Variants in PCDH15 observed in about 807,000 individuals in gnomAD.
PCDH15 encodes protocadherin related 15.
PCDH15 carries 129 observed loss-of-function variants against 178.5 expected under a neutral mutation model. That is an observed-to-expected ratio of 0.72 (90% confidence interval 0.63 to 0.84). PCDH15 has a LOEUF of 0.84. Among genes scored for constraint, PCDH15 ranks in the 40% least tolerant of loss-of-function variants. PCDH15 has a pLI of 0.00. For synonymous variants in PCDH15, 800 were observed against 732.0 expected, an observed-to-expected ratio of 1.09 and a Z score of -1.50; for missense variants, 2,230 against 2,099.9, an observed-to-expected ratio of 1.06 and a Z score of -1.21.
intron 20 of PCDH15, among the ~76,000 whole-genome samples, chr10:54,000,315 T>G (rs1223658762): frequency 6.6e-6 from 1 of 151,904 alleles, no homozygotes; most frequent in Non-Finnish European, 1.5e-5. Flanking sequence ...CAGGAAAACA[T>G]GAAGTCACCA....
At chr10:53,931,505 A>G (rs2085060307) in intron 25 of PCDH15, among the ~76,000 whole-genome samples, 1 of 152,202 alleles carries the variant, frequency 6.6e-6, no homozygotes, top group Admixed American at 6.5e-5. Context: ...AAACAGATAC[A>G]AACTTCTGTC....
In PCDH15 at chr10:53,888,300, A is replaced by ATATATGTATATATACG. The variant is rs1554845155; in HGVS notation, c.3501+14942_3501+14943insCGTATATATACATATA. On this transcript the variant is annotated intron_variant, in intron 26 of 37. Transcript: ENST00000644397. ...TCCAACACTATATATACATATATAT[A>ATATATGTATATATACG]TATATATATGTATATATGTACGTAT... is the stretch of plus-strand genomic sequence containing the variant. Among the ~76,000 whole-genome samples, 186 of 82,014 alleles carry ATATATGTATATATACG rather than the reference A, an allele frequency of 2.3e-3. 18 individuals are homozygous for ATATATGTATATATACG. The highest frequency in any genetic ancestry group is 8.8e-3 in the African/African-American group (177 of 20,012). 53.8% of individuals were successfully genotyped at this position (82,014 alleles called of 152,430 possible).
chr10:54,706,823 A>G (rs2095370145), intron 1 of PCDH15, among the ~76,000 whole-genome samples: 1 of 152,050 alleles, frequency 6.6e-6, no homozygotes, highest in African/African-American at 2.4e-5. Context: ...GGGTTTCACC[A>G]TGTGGGCCAA....
chr10:53,883,714 A>T (rs571870042), intron 26 of PCDH15, among the ~76,000 whole-genome samples: 10 of 152,256 alleles, frequency 6.6e-5, no homozygotes, highest in African/African-American at 2.4e-4. Context: ...ATTCACATTT[A>T]AAAGGCTTTT....
chr10:54,108,959 A>G (rs1044458572), intron 15 of PCDH15, among the ~76,000 whole-genome samples: 8 of 152,130 alleles, frequency 5.3e-5, no homozygotes, highest in Non-Finnish European at 1.5e-5. Flanking sequence ...CGCAACAAAC[A>G]AACAAACAAA....
At chr10:53,822,113 A>G in intron 32 of PCDH15, 1 of 1,613,602 alleles carries the variant, frequency 6.2e-7, no homozygotes, top group Non-Finnish European at 8.5e-7. Context: ...GGTCTGTTTT[A>G]CACACTGTCG....
chr10:54,203,306 T>C (rs991054953), intron 10 of PCDH15, among the ~76,000 whole-genome samples: 3 of 152,220 alleles, frequency 2.0e-5, no homozygotes, highest in Non-Finnish European at 2.9e-5. Flanking sequence ...CTAGTATTCA[T>C]AGGTCATGGT....
chr10:54,685,387 T>C (rs2094978089), intron 1 of PCDH15, among the ~76,000 whole-genome samples: 1 of 152,204 alleles, frequency 6.6e-6, no homozygotes, highest in Admixed American at 6.5e-5. Flanking sequence ...ATACTAAGTG[T>C]ATGTGCTATT....
intron 2 of PCDH15, among the ~76,000 whole-genome samples, chr10:54,981,029 A>G (rs889719190): frequency 1.4e-4 from 21 of 150,894 alleles, no homozygotes; most frequent in Admixed American, 7.9e-4. Flanking sequence ...CCATCCATCA[A>G]AGTTAAAAAA....
intron 15 of PCDH15, among the ~76,000 whole-genome samples, chr10:54,093,693 T>C (rs180783883): frequency 1.3e-5 from 2 of 152,310 alleles, no homozygotes; most frequent in East Asian, 3.9e-4. Context: ...AAATTTTGCA[T>C]GTCTTGTCTC....
chr10:54,523,020 T>G (rs1234805962), intron 3 of PCDH15, among the ~76,000 whole-genome samples: 3 of 152,270 alleles, frequency 2.0e-5, no homozygotes, highest in East Asian at 1.9e-4. Context: ...TCTGTAAAAT[T>G]GTAAATTTTC....
chr10:55,288,473 TC>T (rs1842929582), intron 1 of PCDH15, among the ~76,000 whole-genome samples: 1 of 151,886 alleles, frequency 6.6e-6, no homozygotes, highest in East Asian at 1.9e-4. Context: ...GCAGAGGATC[TC>T]TAGAGCTTAT....
At chr10:54,388,420 T>G (rs1474841278) in intron 3 of PCDH15, among the ~76,000 whole-genome samples, 1 of 152,184 alleles carries the variant, frequency 6.6e-6, no homozygotes, top group Non-Finnish European at 1.5e-5. Context: ...ACTTTCATCT[T>G]CACTTCAAGT....
chr10:55,365,777 T>A (rs1292617176), intron 2 of PCDH15, among the ~76,000 whole-genome samples: 2 of 152,122 alleles, frequency 1.3e-5, no homozygotes, highest in Admixed American at 1.3e-4. Context: ...TGTGGAACTG[T>A]AAGCCCAACA....
At chr10:55,331,464 T>G (rs191146287) in intron 2 of PCDH15, among the ~76,000 whole-genome samples, 4 of 152,028 alleles carry the variant, frequency 2.6e-5, no homozygotes, top group Admixed American at 6.6e-5. Flanking sequence ...AGGAATGATA[T>G]GTATCTGTCC....
chr10:54,872,738 C>T (rs577042009), intron 3 of PCDH15, among the ~76,000 whole-genome samples: 2 of 151,934 alleles, frequency 1.3e-5, no homozygotes, highest in Admixed American at 6.6e-5. Context: ...CTGGGAGCCA[C>T]GAAGTGTCTG....
chr10:55,282,994 A>C (rs536501930), intron 1 of PCDH15, among the ~76,000 whole-genome samples: 1 of 152,276 alleles, frequency 6.6e-6, no homozygotes, highest in South Asian at 2.1e-4. Flanking sequence ...GTATTTTCCC[A>C]AAACAAACAC....
chr10:55,192,463 C>T (rs939199716), intron 1 of PCDH15, among the ~76,000 whole-genome samples: 3 of 151,804 alleles, frequency 2.0e-5, no homozygotes, highest in Admixed American at 6.6e-5. Flanking sequence ...GAATGTTTCA[C>T]AGCAGCATGA....
intron 8 of PCDH15, among the ~76,000 whole-genome samples, chr10:54,288,901 C>G (rs1333036643): frequency 2.6e-5 from 4 of 152,224 alleles, no homozygotes; most frequent in Admixed American, 2.6e-4. Flanking sequence ...TCAGCAAGGC[C>G]TACTGCCTCT....
Sources: gnomAD v4.1 joint callset for allele counts (sites outside exome capture counted in the v4.1 genomes callset) on GRCh38, gnomAD v4.1.1 for gene constraint, MANE v1.5 for transcripts, NCBI Gene and HGNC (gene_info 2026-07-23, HGNC 2026-07-21) for gene names.